CORO2B: variants seen among roughly 807,000 people sequenced by gnomAD.
CORO2B encodes coronin-2B.
In CORO2B, 26 loss-of-function variants were observed where a neutral mutation model predicts 58.8. That is an observed-to-expected ratio of 0.44 (90% CI 0.32 to 0.61). CORO2B has a LOEUF of 0.61. Ranked by LOEUF, CORO2B falls within the 20% of genes least tolerant of loss-of-function variation. The pLI, the probability that CORO2B is intolerant of heterozygous loss-of-function variation, is 0.04. For missense variants in CORO2B, 460 were observed against 645.1 expected (o/e 0.71, Z 3.11); for synonymous variants, 242 against 253.8 (o/e 0.95, Z 0.44).
At chr15:68,697,839 A>G (rs2140315367) in intron 3 of CORO2B, among the ~76,000 whole-genome samples, 1 of 152,306 alleles carries the variant, frequency 6.6e-6, no homozygotes, top group South Asian at 2.1e-4. Context: ...GGCCAGCACA[A>G]GAGGCCTGGG....
Position 68,647,699 on chromosome 15 carries a change from A to AAAAG in CORO2B, c.216+2354_216+2357dup, listed in dbSNP as rs1555413713. ...ATCGAAACTCCATCTCAAAAAAAAAAAAAGAAAGAAAGAAAGAAGGGACTG... is the reference window on the plus strand; with the variant it reads ...ATCGAAACTCCATCTCAAAAAAAAAAAAAGAAAGAAAGAAAGAAAGAAGGGACTG... On this transcript the variant is annotated intron_variant, in intron 2 of 11. Coordinates refer to ENST00000261861, the MANE Select transcript of CORO2B (RefSeq NM_006091.5). Among the ~76,000 whole-genome samples, 15 of 148,806 alleles carry AAAAG rather than the reference A, an allele frequency of 1.0e-4. 1 individual carries two copies. In the South Asian group the frequency reaches 1.9e-3, roughly 19 times the overall value.
intron 1 of CORO2B, among the ~76,000 whole-genome samples, chr15:68,640,494 C>T (rs1430223210): frequency 7.1e-6 from 1 of 140,416 alleles, no homozygotes; most frequent in African/African-American, 2.7e-5. Context: ...TGGTATCTTC[C>T]AAAAGGCAAT....
chr15:68,552,490 G>A, the CORO2B span, among the ~76,000 whole-genome samples: 2 of 151,806 alleles, frequency 1.3e-5, no homozygotes, highest in African/African-American at 2.4e-5. Context: ...GGGGGGCAGG[G>A]CCTTGTTGCT....
intron 2 of CORO2B, among the ~76,000 whole-genome samples, chr15:68,667,036 C>T (rs747428560): frequency 6.6e-5 from 10 of 152,144 alleles, no homozygotes; most frequent in Non-Finnish European, 1.0e-4. Context: ...CCTCGACAAA[C>T]AGGCCCTAGG....
the CORO2B span, among the ~76,000 whole-genome samples, chr15:68,541,654 G>A: frequency 3.3e-5 from 5 of 152,204 alleles, no homozygotes; most frequent in African/African-American, 1.2e-4. Flanking sequence ...TTTGTCCAGT[G>A]CCCTATGAAT....
chr15:68,725,948 T>G lies in CORO2B; in HGVS notation c.1417T>G (p.Leu473Val). Residue 473 changes from leucine (L) to valine (V), a missense_variant, in exon 12 of 12, where the codon TTG becomes GTG. Leu to Val is a conservative substitution (Grantham distance 32). Coordinates refer to ENST00000261861, the MANE Select transcript of CORO2B (RefSeq NM_006091.5). ...GCAGCTCCAGCTGGAACTGAAAAAC[T>G]TGCGCAACAGCCCCAAGAACTGTTA... ...IRQLQLELKN[L>V]RNSPKNC 1 of 1,613,948 alleles carries G rather than the reference T, an allele frequency of 6.2e-7. No homozygotes were observed. Among genetic ancestry groups the G allele is most frequent in the South Asian group, 1.1e-5 (1 of 91,074 alleles).
chr15:68,622,731 C>T (rs1159452947), intron 1 of CORO2B, among the ~76,000 whole-genome samples: 1 of 152,146 alleles, frequency 6.6e-6, no homozygotes, highest in African/African-American at 2.4e-5. Flanking sequence ...ATTCTGAATC[C>T]TGGGGATGCA....
At chr15:68,605,609 G>T (rs1900091444) in intron 1 of CORO2B, among the ~76,000 whole-genome samples, 1 of 149,848 alleles carries the variant, frequency 6.7e-6, no homozygotes, top group Non-Finnish European at 1.5e-5. Context: ...TTGTAACTGT[G>T]TAAAAATTAT....
the CORO2B span, among the ~76,000 whole-genome samples, chr15:68,559,245 CAA>C: frequency 6.6e-6 from 1 of 152,158 alleles, no homozygotes; most frequent in African/African-American, 2.4e-5. This position sits in a 1 kb window ranked among gnomAD's most constrained non-coding sequence, Gnocchi z 4.3. Context: ...CTTTGTTTTG[CAA>C]AGAGCATTTG....
rs771419504 is a variant in CORO2B at position 68,714,675 on chromosome 15, TGGGGGAGGGCCC to T, written c.870+17_870+28del. ...ACCTGGCTGGAAAGGTAGTAGGAGG[TGGGGGAGGGCCC>T]GGGGCAGCCTGTGGGAGAGCCCTAC... is the stretch of plus-strand genomic sequence containing the variant. On this transcript the variant is annotated intron_variant, in intron 7 of 11. Coordinates refer to ENST00000261861, the MANE Select transcript of CORO2B (RefSeq NM_006091.5). The T allele has an allele frequency of 1.2e-6, 2 of 1,606,408 alleles. No homozygotes were observed. The highest frequency in any genetic ancestry group is 8.5e-7 in the Non-Finnish European group (1 of 1,173,370).
intron 11 of CORO2B, among the ~76,000 whole-genome samples, chr15:68,721,578 C>T (rs6494762): frequency 0.64 from 97,754 of 151,774 alleles, 33,094 homozygotes; most frequent in East Asian, 0.87. Context: ...TGGTGGTGCG[C>T]GCCTGTAATC....
At chr15:68,538,829 T>C in the CORO2B span, among the ~76,000 whole-genome samples, 1 of 152,164 alleles carries the variant, frequency 6.6e-6, no homozygotes, top group African/African-American at 2.4e-5. Flanking sequence ...GTCATTCCAG[T>C]AGCCTGTAGG....
chr15:68,567,506 A>G, the CORO2B span, among the ~76,000 whole-genome samples: 2 of 152,170 alleles, frequency 1.3e-5, no homozygotes, highest in Non-Finnish European at 2.9e-5. Context: ...GCAACTCCCA[A>G]TTCTGTCTCT....
intron 1 of CORO2B, among the ~76,000 whole-genome samples, chr15:68,604,987 A>G (rs2140241585): frequency 6.6e-6 from 1 of 152,208 alleles, no homozygotes; most frequent in Non-Finnish European, 1.5e-5. Flanking sequence ...GGTGGCACAC[A>G]CCTGTAATCC....
rs368356205 is a variant in CORO2B at position 68,719,381 on chromosome 15, G to C, written c.1172-32G>C. 19 of 1,611,264 alleles carry C rather than the reference G, an allele frequency of 1.2e-5. No homozygotes were observed. The African/African-American group carries it at 2.1e-4, about 18-fold the overall frequency. On this transcript the variant is annotated intron_variant, in intron 10 of 11. Transcript: ENST00000261861. ...CCATCACCTGACAGTCCATGGGATC[G>C]TCAGTGAGAGCGTTTCCCTTGCCTT...
At chr15:68,636,161 A>G (rs997589938) in intron 1 of CORO2B, among the ~76,000 whole-genome samples, 2 of 152,214 alleles carry the variant, frequency 1.3e-5, no homozygotes, top group Non-Finnish European at 2.9e-5. Context: ...GCTCATCGTA[A>G]GCACTAAACA....
chr15:68,533,293 A>G, the CORO2B span, among the ~76,000 whole-genome samples: 1 of 152,198 alleles, frequency 6.6e-6, no homozygotes, highest in African/African-American at 2.4e-5. Context: ...TGGAAAGGTA[A>G]GTGTGGATTC....
the CORO2B span, among the ~76,000 whole-genome samples, chr15:68,563,137 A>G: frequency 6.6e-6 from 1 of 151,958 alleles, no homozygotes; most frequent in African/African-American, 2.4e-5. Context: ...TTAAGGAACT[A>G]GAAAAAGAAG....
At chr15:68,607,222 G>A (rs139224217) in intron 1 of CORO2B, among the ~76,000 whole-genome samples, 2 of 152,322 alleles carry the variant, frequency 1.3e-5, no homozygotes, top group African/African-American at 4.8e-5. Context: ...ATCTGGAAGT[G>A]CCTTCACACT....
Sources: gnomAD v4.1 joint callset for allele counts (sites outside exome capture counted in the v4.1 genomes callset) on GRCh38, gnomAD v4.1.1 for gene constraint, Gnocchi (gnomAD v3.1) non-coding constraint, MANE v1.5 for transcripts, NCBI Gene and HGNC (gene_info 2026-07-23, HGNC 2026-07-21) for gene names.